The following CHRNB1 variants were observed in gnomAD, a reference collection of about 807,000 sequenced individuals.
The protein encoded by CHRNB1 is cholinergic receptor nicotinic beta 1 subunit.
CHRNB1 carries 47 observed loss-of-function variants against 53.8 expected under a neutral mutation model. The ratio of observed to expected loss-of-function variants is 0.87; its 90% CI spans 0.69 to 1.11. The LOEUF (loss-of-function observed/expected upper bound fraction) is 1.11. Among genes scored for constraint, CHRNB1 ranks in the 50% most tolerant of loss-of-function variants. CHRNB1 has a pLI of 0.00. For missense variants in CHRNB1, 605 were observed against 654.9 expected (o/e 0.92, Z 0.83); for synonymous variants, 259 against 263.5 (o/e 0.98, Z 0.16).
intron 7 of CHRNB1, among the ~76,000 whole-genome samples, chr17:7,451,339 C>T (rs1459767010): frequency 1.4e-5 from 2 of 140,850 alleles, no homozygotes; most frequent in South Asian, 2.2e-4. Flanking sequence ...TGCAGTGGCG[C>T]GATCTCGGCT....
At chr17:7,452,618 T>C (rs990647878) in intron 7 of CHRNB1, among the ~76,000 whole-genome samples, 5 of 152,218 alleles carry the variant, frequency 3.3e-5, no homozygotes, top group African/African-American at 1.2e-4. Flanking sequence ...ACCATTGCCA[T>C]GGAAACACCT....
chr17:7,451,447 A>G (rs894147109), intron 7 of CHRNB1, among the ~76,000 whole-genome samples: 1 of 150,648 alleles, frequency 6.6e-6, no homozygotes, highest in Non-Finnish European at 1.5e-5. Flanking sequence ...TGCCTGAGTA[A>G]TTTTTCTATT....
Position 7,445,496 on chromosome 17 carries a change from G to C in CHRNB1, c.198+87G>C. On this transcript the variant is annotated intron_variant, in intron 2 of 10. Coordinates refer to ENST00000306071, the MANE Select transcript of CHRNB1 (RefSeq NM_000747.3). This position sits in a 1 kb window ranked among gnomAD's most constrained non-coding sequence, Gnocchi z 5.7. ...AAGGCCGGACCAGGGACAGGCTGGG[G>C]GCGGGGCCTGGGACGAGACCAGGCT... is the stretch of plus-strand genomic sequence containing the variant. 1 of 1,559,748 alleles carries C rather than the reference G, an allele frequency of 6.4e-7. No homozygotes were observed. Among genetic ancestry groups the C allele is most frequent in the Non-Finnish European group, 8.6e-7 (1 of 1,157,162 alleles).
In CHRNB1 at chr17:7,446,602, T is replaced by C. The variant is rs1908640965; in HGVS notation, c.244-231T>C. The C allele has an allele frequency of 4.4e-5, 26 of 587,594 alleles. No individual in the cohort carries two copies. The South Asian group carries it at 5.1e-4, about 12-fold the overall frequency. 36.4% of individuals were successfully genotyped at this position (587,594 alleles called of 1,614,324 possible). A position where few individuals can be genotyped will look rare whatever the true frequency, so the allele number is the denominator to read the frequency against. On this transcript the variant is annotated intron_variant, in intron 3 of 10. Transcript: ENST00000306071. Reference sequence around the variant, plus strand: ...GTTTTAGAGGCTAGCTACTGCAGCCTCCTCATTTTTACAGAGTAAAATATT... The same window carrying C: ...GTTTTAGAGGCTAGCTACTGCAGCCCCCTCATTTTTACAGAGTAAAATATT...
Position 7,448,670 on chromosome 17 carries a change from A to G in CHRNB1, c.702A>G (p.Glu234=). Residue 234 remains glutamate, a synonymous_variant, in exon 7 of 11, where the codon GAA becomes GAG. Coordinates refer to ENST00000306071, the MANE Select transcript of CHRNB1 (RefSeq NM_000747.3). Reference sequence around the variant, plus strand: ...GAGGGAGGGAAGGACAGCGCCAGGAAGTCATCTTCTACCTCATCATCCGCC... The same window carrying G: ...GAGGGAGGGAAGGACAGCGCCAGGAGGTCATCTTCTACCTCATCATCCGCC... ...PRGGREGQRQ[E]VIFYLIIRRK... 6.2e-7 allele frequency: 1 copy of G among 1,614,140 alleles called. No homozygotes were observed. Among genetic ancestry groups the G allele is most frequent in the African/African-American group, 1.3e-5 (1 of 75,016 alleles).
At position 7,448,724 on chromosome 17, in the gene CHRNB1, C is replaced by G. The variant is rs754596731; in HGVS notation, c.756C>G (p.Val252=). The change falls in exon 7 of 11, where the codon GTC becomes GTG. Residue 252 remains valine (V), a synonymous_variant. Transcript: ENST00000306071. ...AGCCTCTCTTCTACCTGGTCAACGT[C>G]ATTGCCCCATGCATCCTCATCACTC... ...RRKPLFYLVN[V]IAPCILITLL... The G allele has an allele frequency of 3.7e-6, 6 of 1,614,284 alleles. No individual in the cohort carries two copies. The highest frequency in any genetic ancestry group is 5.1e-6 in the Non-Finnish European group (6 of 1,180,056).
intron 10 of CHRNB1, 66 bp from the exon 11 acceptor site, chr17:7,456,517 G>A: frequency 6.2e-7 from 1 of 1,607,926 alleles, no homozygotes; most frequent in Non-Finnish European, 8.5e-7. Context: ...AGCGGGCGGG[G>A]AAATGGGGGG....
intron 7 of CHRNB1, 62 bp downstream of exon 7, chr17:7,448,850 T>C (rs1319248364): frequency 4.5e-6 from 7 of 1,556,126 alleles, no homozygotes; most frequent in Non-Finnish European, 6.2e-6. Context: ...TCTTTATCCT[T>C]AATCCAGGCA....
intron 7 of CHRNB1, among the ~76,000 whole-genome samples, chr17:7,450,278 G>A (rs1198637187): frequency 6.6e-6 from 1 of 151,618 alleles, no homozygotes; most frequent in African/African-American, 2.4e-5. Flanking sequence ...TGAGTAGCTG[G>A]GATTACAGGT....
At position 7,456,620 on chromosome 17, in the gene CHRNB1, A is replaced by G; in HGVS notation, c.1403A>G (p.Asp468Gly). The change falls in exon 11 of 11, where the codon GAC (aspartate) becomes GGC (glycine). Residue 468 changes from aspartate to glycine, a missense_variant. Transcript: ENST00000306071. Reference sequence around the variant, plus strand: ...TGGCAGTTTGTGGCCATGGTAGTGGACCGCCTCTTCCTGTGGACTTTCATC... The same window carrying G: ...TGGCAGTTTGTGGCCATGGTAGTGGGCCGCCTCTTCCTGTGGACTTTCATC... The part of the protein sequence containing the change: ...EDWQFVAMVV[D>G]RLFLWTFIIF... 2 of 1,614,066 alleles carry G rather than the reference A, an allele frequency of 1.2e-6. No homozygotes were observed. Among genetic ancestry groups the G allele is most frequent in the Non-Finnish European group, 1.7e-6 (2 of 1,180,018 alleles).
intron 10 of CHRNB1, 94 bp downstream of exon 10, chr17:7,456,035 T>C: frequency 1.0e-6 from 1 of 985,718 alleles, no homozygotes; most frequent in South Asian, 1.5e-5. Context: ...TTTTTTTGTG[T>C]GGTTTTTTTT....
At chr17:7,452,294 G>A (rs966018669) in intron 7 of CHRNB1, among the ~76,000 whole-genome samples, 5 of 151,966 alleles carry the variant, frequency 3.3e-5, no homozygotes, top group African/African-American at 1.2e-4. Flanking sequence ...CTGACCTCAG[G>A]TGATCTGACC....
At chr17:7,455,755 G>C (rs77749151) in intron 9 of CHRNB1, 39 bp from the exon 10 acceptor site, 94 of 1,613,988 alleles carry the variant, frequency 5.8e-5, no homozygotes, top group Non-Finnish European at 7.8e-5. Context: ...GGCACTGGCT[G>C]TCTTTGCGTT....
At position 7,454,540 on chromosome 17, in the gene CHRNB1, C is replaced by T. The variant is rs151303014; in HGVS notation, c.1044+20C>T. Reference sequence around the variant, plus strand: ...CGTCAGGTAAGAAAGATCTCCTCCTCCAACCCCAATTTTCCTTTTACAGAC... The same window carrying T: ...CGTCAGGTAAGAAAGATCTCCTCCTTCAACCCCAATTTTCCTTTTACAGAC... On this transcript the variant is annotated intron_variant, in intron 8 of 10. Transcript: ENST00000306071. 1,262 of 1,600,700 alleles carry T rather than the reference C, an allele frequency of 7.9e-4. 17 individuals are homozygous for T. The African/African-American group carries it at 0.015, about 19-fold the overall frequency.
At position 7,445,087 on chromosome 17, in the gene CHRNB1, A is replaced by C; in HGVS notation, c.-41A>C. The C allele has an allele frequency of 9.4e-6, 15 of 1,594,594 alleles. No individual in the cohort carries two copies. The highest frequency in any genetic ancestry group is 1.3e-5 in the Non-Finnish European group (15 of 1,174,596). On this transcript the variant is annotated 5_prime_UTR_variant, in exon 1 of 11. Coordinates refer to ENST00000306071, the MANE Select transcript of CHRNB1 (RefSeq NM_000747.3). This position sits in a 1 kb window ranked among gnomAD's most constrained non-coding sequence, Gnocchi z 5.7. ...TCACTTCCCCTGTGCTGGCGGTCCC[A>C]GCGGCTCTCTGAGCGAAGTCACTGA...
intron 7 of CHRNB1, among the ~76,000 whole-genome samples, chr17:7,453,752 T>TAAA (rs1908970526): frequency 6.6e-6 from 1 of 150,942 alleles, no homozygotes; most frequent in South Asian, 2.1e-4. Flanking sequence ...TGTGCCTGGC[T>TAAA]AATTTTTTTT....
intron 7 of CHRNB1, among the ~76,000 whole-genome samples, chr17:7,453,059 TC>T (rs761729746): frequency 1.1e-4 from 17 of 152,190 alleles, no homozygotes; most frequent in African/African-American, 3.9e-4. Context: ...GGGAAGACTA[TC>T]AGAGGAGTAG....
rs2069937741 is a variant in CHRNB1 at position 7,455,325 on chromosome 17, G to T, written c.1086G>T (p.Arg362Ser). ...TTCCGCTGTACCTGCGTCTAAAAAG[G>T]CCCAAACCCGAGAGAGACCTGATGC... is the stretch of plus-strand genomic sequence containing the variant. ...HKLPLYLRLKRPKPERDLMPE... is the reference protein window; with the variant it reads ...HKLPLYLRLKSPKPERDLMPE... Residue 362 changes from arginine to serine, a missense_variant, in exon 9 of 11, where the codon AGG becomes AGT. By Grantham distance (110) the Arg-to-Ser change is moderately radical. Coordinates refer to ENST00000306071, the MANE Select transcript of CHRNB1 (RefSeq NM_000747.3). 1.9e-6 allele frequency: 3 copies of T among 1,614,128 alleles called. No individual in the cohort carries two copies. In the East Asian group the frequency reaches 6.7e-5, roughly 36 times the overall value.
chr17:7,449,938 G>T (rs1908819554), intron 7 of CHRNB1, among the ~76,000 whole-genome samples: 1 of 151,484 alleles, frequency 6.6e-6, no homozygotes, highest in Non-Finnish European at 1.5e-5. Flanking sequence ...CAGCTACTTG[G>T]GAGGCTGAGG....
Sources: gnomAD v4.1 joint callset for allele counts (sites outside exome capture counted in the v4.1 genomes callset) on GRCh38, gnomAD v4.1.1 for gene constraint, Gnocchi (gnomAD v3.1) non-coding constraint, MANE v1.5 for transcripts, NCBI Gene and HGNC (gene_info 2026-07-23, HGNC 2026-07-21) for gene names.